The following LPP variants were observed in gnomAD, a reference collection of about 807,000 sequenced individuals.
LPP encodes the protein lipoma-preferred partner.
LPP carries 38 observed loss-of-function variants against 60.4 expected under a neutral mutation model. The observed-to-expected ratio is 0.63, with a 90% CI of 0.49 to 0.83. The LOEUF (loss-of-function observed/expected upper bound fraction) is 0.83. Among genes scored for constraint, LPP ranks in the 40% least tolerant of loss-of-function variants. LPP has a pLI of 0.00. For synonymous variants in LPP, 328 were observed against 290.8 expected, an observed-to-expected ratio of 1.13 and a Z score of -1.30; for missense variants, 902 against 783.6, an observed-to-expected ratio of 1.15 and a Z score of -1.80.
chr3:188,494,240 A>T (rs116212621), intron 5 of LPP, among the ~76,000 whole-genome samples: 2,192 of 152,248 alleles, frequency 0.014, 53 homozygotes, highest in African/African-American at 0.051. Context: ...GGGGATTCAT[A>T]GGCAGGTAGC....
At chr3:188,639,615 C>T (rs1270286736) in intron 7 of LPP, among the ~76,000 whole-genome samples, 1 of 148,938 alleles carries the variant, frequency 6.7e-6, no homozygotes, top group African/African-American at 2.5e-5. Context: ...GCAACCTACT[C>T]ATCTGACAAA....
chr3:188,181,583 C>G (rs1217241548), intron 1 of LPP, among the ~76,000 whole-genome samples: 1 of 152,166 alleles, frequency 6.6e-6, no homozygotes, highest in Non-Finnish European at 1.5e-5. Flanking sequence ...ATTCTTTTAA[C>G]TATAGAAAAA....
At chr3:188,604,040 ACTGT>A (rs1222949108) in intron 6 of LPP, among the ~76,000 whole-genome samples, 1 of 152,174 alleles carries the variant, frequency 6.6e-6, no homozygotes, top group Non-Finnish European at 1.5e-5. Context: ...ACCTTTTGCT[ACTGT>A]CTATTTTCTC....
chr3:188,622,146 AACC>A (rs1290452508), intron 7 of LPP, among the ~76,000 whole-genome samples: 1 of 152,154 alleles, frequency 6.6e-6, no homozygotes. Context: ...ATGGCAATAC[AACC>A]AGTAAAAGGC....
chr3:188,505,300 T>C (rs888915785), intron 5 of LPP, among the ~76,000 whole-genome samples: 1 of 152,096 alleles, frequency 6.6e-6, no homozygotes, highest in Non-Finnish European at 1.5e-5. Flanking sequence ...CTTCCTTAAT[T>C]CCTCTGCCAT....
intron 2 of LPP, among the ~76,000 whole-genome samples, chr3:188,251,280 A>G (rs991972031): frequency 4.6e-5 from 7 of 151,746 alleles, no homozygotes; most frequent in Middle Eastern, 3.4e-3. Context: ...TGTCCCCATC[A>G]TCTTTGTTGT....
intron 8 of LPP, among the ~76,000 whole-genome samples, chr3:188,733,720 T>C (rs1010239943): frequency 2.0e-5 from 3 of 152,216 alleles, no homozygotes; most frequent in African/African-American, 7.2e-5. Context: ...CAAACTTATA[T>C]TAACAACGTT....
intron 9 of LPP, among the ~76,000 whole-genome samples, chr3:188,786,959 T>C (rs1434287047): frequency 6.6e-6 from 1 of 152,168 alleles, no homozygotes; most frequent in Non-Finnish European, 1.5e-5. Context: ...ATTGGGGGTT[T>C]GGGGTAGCTG....
chr3:188,632,622 G>C (rs963891183), intron 7 of LPP, among the ~76,000 whole-genome samples: 1 of 152,198 alleles, frequency 6.6e-6, no homozygotes, highest in Non-Finnish European at 1.5e-5. Flanking sequence ...TCACATTTCT[G>C]TTCTGGAACC....
At chr3:188,363,166 G>A (rs1175539013) in intron 3 of LPP, among the ~76,000 whole-genome samples, 3 of 152,202 alleles carry the variant, frequency 2.0e-5, no homozygotes, top group African/African-American at 4.8e-5. Flanking sequence ...AGAATTAAGT[G>A]TCATTAAGAC....
intron 4 of LPP, among the ~76,000 whole-genome samples, chr3:188,473,602 G>T (rs544241448): frequency 1.2e-3 from 178 of 152,132 alleles, no homozygotes; most frequent in Non-Finnish European, 2.2e-3. Context: ...AGGAGATTCC[G>T]ATACACACCA....
chr3:188,605,937 T>G (rs1205395153), intron 6 of LPP, among the ~76,000 whole-genome samples: 1 of 152,190 alleles, frequency 6.6e-6, no homozygotes, highest in Admixed American at 6.6e-5. Context: ...GGGCACATTT[T>G]TATAAACTGT....
intron 1 of LPP, among the ~76,000 whole-genome samples, chr3:188,196,716 G>T (rs111853444): frequency 4.4e-4 from 67 of 152,286 alleles, no homozygotes; most frequent in Middle Eastern, 3.4e-3. Flanking sequence ...TCCTTTGCAT[G>T]AATTAAGGGA....
At chr3:188,189,214 G>A (rs940714649) in intron 1 of LPP, among the ~76,000 whole-genome samples, 5 of 152,176 alleles carry the variant, frequency 3.3e-5, no homozygotes, top group African/African-American at 9.7e-5. Flanking sequence ...AGCTTCCTGA[G>A]TAGCTGAGAC....
intron 2 of LPP, among the ~76,000 whole-genome samples, chr3:188,305,558 T>C (rs1008835121): frequency 1.3e-5 from 2 of 152,088 alleles, no homozygotes; most frequent in Non-Finnish European, 2.9e-5. Context: ...TCTATTTCAG[T>C]TGCTGGTTTT....
At chr3:188,189,884 G>A (rs1330673605) in intron 1 of LPP, among the ~76,000 whole-genome samples, 1 of 152,018 alleles carries the variant, frequency 6.6e-6, no homozygotes, top group East Asian at 1.9e-4. Flanking sequence ...GATGCTGCAA[G>A]CGAAGAGGGG....
chr3:188,600,232 T>C (rs935166800), intron 6 of LPP, among the ~76,000 whole-genome samples: 5 of 148,286 alleles, frequency 3.4e-5, no homozygotes, highest in Non-Finnish European at 7.4e-5. Context: ...TATTTATTTT[T>C]ATACATTTAT....
intron 5 of LPP, among the ~76,000 whole-genome samples, chr3:188,486,589 A>G (rs977104189): frequency 6.6e-6 from 1 of 152,182 alleles, no homozygotes; most frequent in African/African-American, 2.4e-5. Context: ...GTATTTTCAT[A>G]TAGTAGATAT....
At chr3:188,218,185 G>T (rs1285541853) in intron 1 of LPP, among the ~76,000 whole-genome samples, 1 of 152,220 alleles carries the variant, frequency 6.6e-6, no homozygotes, top group East Asian at 1.9e-4. Flanking sequence ...CTGGACTGCG[G>T]TCCAAGGGCA....
Sources: gnomAD v4.1 joint callset for allele counts (sites outside exome capture counted in the v4.1 genomes callset) on GRCh38, gnomAD v4.1.1 for gene constraint, MANE v1.5 for transcripts, NCBI Gene and HGNC (gene_info 2026-07-23, HGNC 2026-07-21) for gene names.